Variants in LDB2 observed in about 807,000 individuals in gnomAD.
The protein encoded by LDB2 is LIM domain-binding protein 2.
A neutral mutation model predicts 44.3 loss-of-function variants in LDB2; 12 were observed. The observed-to-expected ratio is 0.27, with a 90% CI of 0.17 to 0.44. The LOEUF (loss-of-function observed/expected upper bound fraction) is 0.44. Ranked by LOEUF, LDB2 falls within the 20% of genes least tolerant of loss-of-function variation. The probability of loss-of-function intolerance (pLI) is 1.00; values close to 1 mark genes in which losing one functional copy is unlikely to be tolerated. For missense variants in LDB2, 344 were observed against 473.5 expected, an observed-to-expected ratio of 0.73 and a Z score of 2.54; for synonymous variants, 164 against 174.8, an observed-to-expected ratio of 0.94 and a Z score of 0.49.
Position 16,889,591 on chromosome 4 carries a change from G to C in LDB2, c.132+8763C>G, listed in dbSNP as rs151005077. Among the ~76,000 whole-genome samples the C allele has an allele frequency of 2.2e-4, 34 of 152,274 alleles. No individual in the cohort carries two copies. The East Asian group carries it at 5.8e-3, about 26-fold the overall frequency. On this transcript the variant is annotated intron_variant, in intron 1 of 7. Transcript: ENST00000304523. ...CTACTGGAACTGTAGGCAATTGTTG[G>C]TAAGACTTGGGGAAAATTTTAGCGT...
chr4:16,735,607 G>A (rs979558953), intron 2 of LDB2, among the ~76,000 whole-genome samples: 3 of 151,832 alleles, frequency 2.0e-5, no homozygotes, highest in African/African-American at 7.3e-5. Context: ...AGAGAAACCT[G>A]GCAAACACTA....
At chr4:16,877,699 G>A (rs937267426) in intron 1 of LDB2, among the ~76,000 whole-genome samples, 8 of 152,194 alleles carry the variant, frequency 5.3e-5, no homozygotes, top group Non-Finnish European at 1.0e-4. Flanking sequence ...TTTAAGTGAT[G>A]TCATCAAAGC....
At chr4:16,596,453 T>C (rs1019337200) in intron 2 of LDB2, among the ~76,000 whole-genome samples, 1 of 152,190 alleles carries the variant, frequency 6.6e-6, no homozygotes, top group Non-Finnish European at 1.5e-5. Flanking sequence ...TTATTTTGAA[T>C]GCTTCAAGGT....
At chr4:16,855,400 A>AT (rs1431914518) in intron 1 of LDB2, among the ~76,000 whole-genome samples, 3 of 152,142 alleles carry the variant, frequency 2.0e-5, no homozygotes, top group Non-Finnish European at 4.4e-5. Context: ...TGAGTTTTTA[A>AT]TTTTCTGAGG....
At chr4:16,670,067 T>C (rs1351002299) in intron 2 of LDB2, among the ~76,000 whole-genome samples, 1 of 152,256 alleles carries the variant, frequency 6.6e-6, no homozygotes, top group Non-Finnish European at 1.5e-5. Flanking sequence ...AAATATTTTC[T>C]GTCTGGTCCT....
intron 7 of LDB2, among the ~76,000 whole-genome samples, chr4:16,508,076 C>T (rs1181901938): frequency 1.3e-5 from 2 of 150,876 alleles, no homozygotes; most frequent in Admixed American, 6.7e-5. Context: ...TGGTTAATTA[C>T]CTGAGTCTTA....
intron 1 of LDB2, among the ~76,000 whole-genome samples, chr4:16,816,365 T>A (rs1368030745): frequency 1.3e-5 from 2 of 151,954 alleles, no homozygotes; most frequent in African/African-American, 4.8e-5. Flanking sequence ...TCACTTTTCT[T>A]CAATTATATC....
At chr4:16,540,102 A>T (rs1007323595) in intron 5 of LDB2, among the ~76,000 whole-genome samples, 2 of 152,156 alleles carry the variant, frequency 1.3e-5, no homozygotes, top group African/African-American at 4.8e-5. Flanking sequence ...ACTTTTAAAC[A>T]ATCAGATCTC....
At chr4:16,527,373 T>C (rs1468487642) in intron 5 of LDB2, among the ~76,000 whole-genome samples, 1 of 151,930 alleles carries the variant, frequency 6.6e-6, no homozygotes, top group Non-Finnish European at 1.5e-5. Context: ...GTTTTTACAA[T>C]GCGATGCCAC....
intron 1 of LDB2, among the ~76,000 whole-genome samples, chr4:16,811,631 C>CCCCT (rs1264485969): frequency 6.6e-6 from 1 of 152,184 alleles, no homozygotes; most frequent in Admixed American, 6.5e-5. Context: ...TATATCTGCT[C>CCCCT]CCCCTTAAAC....
intron 2 of LDB2, among the ~76,000 whole-genome samples, chr4:16,649,402 AGAGAGAGAGAT>A (rs1737652194): frequency 6.8e-6 from 1 of 146,862 alleles, no homozygotes; most frequent in Admixed American, 6.8e-5. Flanking sequence ...GGCATATGAG[AGAGAGAGAGAT>A]GAGAGAGAGA....
intron 2 of LDB2, among the ~76,000 whole-genome samples, chr4:16,710,438 G>C (rs1303086071): frequency 6.6e-6 from 1 of 152,126 alleles, no homozygotes. Context: ...CCTGGAGTTG[G>C]CCTTGTCAGT....
chr4:16,674,729 G>C (rs1416373979), intron 2 of LDB2, among the ~76,000 whole-genome samples: 4 of 152,082 alleles, frequency 2.6e-5, no homozygotes, highest in East Asian at 1.9e-4. Context: ...AAGGCACTGA[G>C]TAAACTTGTT....
intron 2 of LDB2, among the ~76,000 whole-genome samples, chr4:16,645,248 G>T (rs1379884938): frequency 1.3e-5 from 2 of 152,196 alleles, no homozygotes; most frequent in African/African-American, 4.8e-5. Context: ...TTTAAAAAAG[G>T]ATTGGTGGCC....
At chr4:16,812,041 A>T in intron 1 of LDB2, among the ~76,000 whole-genome samples, 1 of 152,226 alleles carries the variant, frequency 6.6e-6, no homozygotes. Context: ...CACAAATAAG[A>T]TATCTTGCAC....
chr4:16,539,535 C>G (rs1390539016), intron 5 of LDB2, among the ~76,000 whole-genome samples: 1 of 152,152 alleles, frequency 6.6e-6, no homozygotes, highest in East Asian at 1.9e-4. Context: ...TTTCACCACA[C>G]CTAGCAGCTT....
At chr4:16,683,365 A>C (rs1009772356) in intron 2 of LDB2, among the ~76,000 whole-genome samples, 1 of 152,208 alleles carries the variant, frequency 6.6e-6, no homozygotes, top group Non-Finnish European at 1.5e-5. Context: ...ACCATGGTGA[A>C]ATTTTTAAAA....
intron 2 of LDB2, among the ~76,000 whole-genome samples, chr4:16,755,365 T>A (rs1169935315): frequency 1.3e-5 from 2 of 152,190 alleles, no homozygotes; most frequent in African/African-American, 4.8e-5. Context: ...GTCTTCTGTT[T>A]CAGATAAAGG....
At chr4:16,700,966 T>C (rs1753308978) in intron 2 of LDB2, among the ~76,000 whole-genome samples, 1 of 152,166 alleles carries the variant, frequency 6.6e-6, no homozygotes, top group Admixed American at 6.5e-5. Context: ...GTGTTTTACA[T>C]ATATGAACTC....
Sources: allele counts gnomAD v4.1 joint callset (sites outside exome capture counted in the v4.1 genomes callset), GRCh38; gene constraint gnomAD v4.1.1; transcripts MANE v1.5; gene names NCBI Gene and HGNC (gene_info 2026-07-23, HGNC 2026-07-21).